PPM1E: variants seen among roughly 807,000 people sequenced by gnomAD.
The protein encoded by PPM1E is protein phosphatase 1E.
A neutral mutation model predicts 65.9 loss-of-function variants in PPM1E; 20 were observed. That is an observed-to-expected ratio of 0.30 (90% CI 0.21 to 0.44). The LOEUF (loss-of-function observed/expected upper bound fraction) is 0.44. Ranked by LOEUF, PPM1E falls within the 20% of genes least tolerant of loss-of-function variation. The pLI, the probability that PPM1E is intolerant of heterozygous loss-of-function variation, is 1.00. For synonymous variants in PPM1E, 352 were observed against 374.9 expected, an observed-to-expected ratio of 0.94 and a Z score of 0.70; for missense variants, 713 against 953.1, an observed-to-expected ratio of 0.75 and a Z score of 3.32.
intron 1 of PPM1E, among the ~76,000 whole-genome samples, chr17:58,872,692 T>C (rs2051084652): frequency 2.0e-5 from 3 of 152,190 alleles, no homozygotes; most frequent in Non-Finnish European, 4.4e-5. Context: ...TCCAGTCCCT[T>C]GCTACTAAAA....
At chr17:58,971,280 T>C (rs1223549774) in intron 4 of PPM1E, among the ~76,000 whole-genome samples, 1 of 152,108 alleles carries the variant, frequency 6.6e-6, no homozygotes, top group Non-Finnish European at 1.5e-5. Context: ...TATAACAAAC[T>C]TTCCCTATAT....
chr17:58,974,239 T>C (rs1402924182), intron 6 of PPM1E, among the ~76,000 whole-genome samples: 1 of 152,222 alleles, frequency 6.6e-6, no homozygotes, highest in African/African-American at 2.4e-5. Flanking sequence ...ATTCATTTTG[T>C]TTATGCCTCT....
At chr17:58,832,893 A>C (rs1484634994) in intron 1 of PPM1E, among the ~76,000 whole-genome samples, 1 of 151,896 alleles carries the variant, frequency 6.6e-6, no homozygotes, top group Admixed American at 6.6e-5. Flanking sequence ...AGCTCACTGC[A>C]CCCTCGCCTC....
chr17:58,829,303 A>G (rs1011745456), intron 1 of PPM1E, among the ~76,000 whole-genome samples: 2 of 152,064 alleles, frequency 1.3e-5, no homozygotes, highest in East Asian at 1.9e-4. Flanking sequence ...CGGCCTCCCA[A>G]ACTGCTGAGA....
chr17:58,958,211 TA>T (rs1025289864), intron 2 of PPM1E, among the ~76,000 whole-genome samples: 2 of 151,528 alleles, frequency 1.3e-5, no homozygotes, highest in Admixed American at 6.6e-5. Context: ...TATTTTTATT[TA>T]TTTTTTTTTT....
chr17:58,802,512 C>T (rs1377738211), intron 1 of PPM1E, among the ~76,000 whole-genome samples: 3 of 151,990 alleles, frequency 2.0e-5, no homozygotes, highest in Admixed American at 6.6e-5. Context: ...TTTAGCTACT[C>T]GGGATCTTTT....
intron 2 of PPM1E, among the ~76,000 whole-genome samples, chr17:58,956,462 A>G (rs12601222): frequency 6.6e-6 from 1 of 151,174 alleles, no homozygotes; most frequent in African/African-American, 2.5e-5. Flanking sequence ...CAAAAAACAA[A>G]AAAAAAAACC....
intron 1 of PPM1E, among the ~76,000 whole-genome samples, chr17:58,762,614 T>C (rs2049832115): frequency 6.6e-6 from 1 of 152,000 alleles, no homozygotes. Flanking sequence ...AAATTTGTTT[T>C]GGGCCGGGCG....
intron 2 of PPM1E, among the ~76,000 whole-genome samples, chr17:58,964,968 C>T (rs1287030188): frequency 6.6e-6 from 1 of 151,746 alleles, no homozygotes; most frequent in African/African-American, 2.4e-5. Flanking sequence ...TCACTTGAAC[C>T]CAGGAGGCGG....
At chr17:58,821,789 C>T (rs2050482980) in intron 1 of PPM1E, among the ~76,000 whole-genome samples, 1 of 152,120 alleles carries the variant, frequency 6.6e-6, no homozygotes, top group Non-Finnish European at 1.5e-5. Context: ...GGCTTTAGAA[C>T]TCCATTGTTA....
chr17:58,886,664 T>A (rs1185178542), intron 1 of PPM1E, among the ~76,000 whole-genome samples: 1 of 152,212 alleles, frequency 6.6e-6, no homozygotes, highest in Non-Finnish European at 1.5e-5. Context: ...AAAGATAAGG[T>A]CCATTTGGTA....
intron 2 of PPM1E, among the ~76,000 whole-genome samples, chr17:58,962,761 C>T (rs559668631): frequency 2.0e-5 from 3 of 152,204 alleles, no homozygotes; most frequent in South Asian, 4.1e-4. Flanking sequence ...TTTAAATTCA[C>T]CCTTGGTTTT....
intron 1 of PPM1E, among the ~76,000 whole-genome samples, chr17:58,780,561 G>A (rs886910869): frequency 6.6e-6 from 1 of 152,112 alleles, no homozygotes; most frequent in African/African-American, 2.4e-5. Context: ...TCTGTGATTT[G>A]CTTGTTTATA....
At chr17:58,891,620 G>C (rs1226974684) in intron 1 of PPM1E, among the ~76,000 whole-genome samples, 1 of 152,064 alleles carries the variant, frequency 6.6e-6, no homozygotes, top group East Asian at 1.9e-4. Context: ...AACGCGCCTG[G>C]CTGGATATAT....
rs147172146 is a variant in PPM1E at position 58,818,072 on chromosome 17, T to G, written c.464+61611T>G. 7.5e-4 allele frequency among the ~76,000 whole-genome samples: 114 copies of G among 152,282 alleles called. 1 individual carries two copies. Among genetic ancestry groups the G allele is most frequent in the Admixed American group, 3.1e-3 (48 of 15,284 alleles). On this transcript the variant is annotated intron_variant, in intron 1 of 6. Coordinates refer to ENST00000308249, the MANE Select transcript of PPM1E (RefSeq NM_014906.5). The stretch of plus-strand genomic sequence containing the variant: ...TTTTTTTCTAAAGTTAAATCTGTAC[T>G]GTCTCTAGTTCATTATGGGTACCTT...
chr17:58,953,623 T>A (rs750907402), intron 1 of PPM1E, among the ~76,000 whole-genome samples: 9 of 152,216 alleles, frequency 5.9e-5, no homozygotes, highest in Non-Finnish European at 1.2e-4. Flanking sequence ...CTTTTCCATT[T>A]CCGTAGCTTT....
intron 2 of PPM1E, among the ~76,000 whole-genome samples, chr17:58,956,358 C>A (rs1242147970): frequency 1.3e-5 from 2 of 151,834 alleles, no homozygotes; most frequent in African/African-American, 4.8e-5. Flanking sequence ...ATTGGTTGAA[C>A]CCAGGAGGTG....
intron 1 of PPM1E, among the ~76,000 whole-genome samples, chr17:58,833,234 C>T (rs985726499): frequency 3.3e-5 from 5 of 151,314 alleles, no homozygotes; most frequent in Admixed American, 2.7e-4. Context: ...ATGTGCTAGC[C>T]GTTTACAGTC....
At chr17:58,873,164 A>G (rs1242555695) in intron 1 of PPM1E, among the ~76,000 whole-genome samples, 1 of 152,202 alleles carries the variant, frequency 6.6e-6, no homozygotes, top group African/African-American at 2.4e-5. Context: ...ATAAATTTTC[A>G]TAACTCTTTG....
Sources: gnomAD v4.1 joint callset for allele counts (sites outside exome capture counted in the v4.1 genomes callset) on GRCh38, gnomAD v4.1.1 for gene constraint, MANE v1.5 for transcripts, NCBI Gene and HGNC (gene_info 2026-07-23, HGNC 2026-07-21) for gene names.